TRPC4AP: variants seen among roughly 807,000 people sequenced by gnomAD.
The protein encoded by TRPC4AP is short transient receptor potential channel 4-associated protein.
A neutral mutation model predicts 99.0 loss-of-function variants in TRPC4AP; 45 were observed. The observed-to-expected ratio is 0.45, with a 90% confidence interval of 0.36 to 0.58. TRPC4AP has a LOEUF of 0.58. Among genes scored for constraint, TRPC4AP ranks in the 20% least tolerant of loss-of-function variants. TRPC4AP has a pLI of 0.00. For synonymous variants in TRPC4AP, 408 were observed against 385.8 expected (o/e 1.06, Z -0.67); for missense variants, 879 against 985.3 (o/e 0.89, Z 1.44).
intron 8 of TRPC4AP, among the ~76,000 whole-genome samples, chr20:35,029,258 T>A (rs1258388192): frequency 6.6e-6 from 1 of 152,146 alleles, no homozygotes; most frequent in Non-Finnish European, 1.5e-5. Context: ...CTCCAACTTT[T>A]TAAAAGTACA....
chr20:35,065,280 AT>A (rs1450914767), intron 3 of TRPC4AP, among the ~76,000 whole-genome samples: 2 of 152,176 alleles, frequency 1.3e-5, no homozygotes, highest in East Asian at 3.8e-4. Context: ...AGGAAGAGTC[AT>A]TTCCTCCATA....
intron 7 of TRPC4AP, among the ~76,000 whole-genome samples, chr20:35,042,523 G>C (rs1028514398): frequency 1.3e-5 from 2 of 152,120 alleles, no homozygotes; most frequent in African/African-American, 4.8e-5. Context: ...CCTCTGCATG[G>C]TCATGGTTTT....
intron 7 of TRPC4AP, among the ~76,000 whole-genome samples, chr20:35,038,579 A>G (rs546277562): frequency 1.6e-4 from 21 of 132,944 alleles, no homozygotes; most frequent in Non-Finnish European, 2.9e-4. Flanking sequence ...ACCTATTTAC[A>G]TTACCATCTG....
intron 5 of TRPC4AP, among the ~76,000 whole-genome samples, chr20:35,054,000 C>T (rs988051298): frequency 3.3e-5 from 5 of 152,116 alleles, no homozygotes; most frequent in African/African-American, 7.2e-5. Flanking sequence ...TGTGCCCATC[C>T]GTAATACAGA....
At chr20:35,040,098 C>T (rs956833540) in intron 7 of TRPC4AP, among the ~76,000 whole-genome samples, 1 of 151,890 alleles carries the variant, frequency 6.6e-6, no homozygotes, top group Non-Finnish European at 1.5e-5. Flanking sequence ...CGCGCCCCCA[C>T]AAATTCATAC....
chr20:35,051,758 T>A (rs1304019132), intron 5 of TRPC4AP, among the ~76,000 whole-genome samples: 1 of 152,042 alleles, frequency 6.6e-6, no homozygotes, highest in East Asian at 1.9e-4. Context: ...AAAAGAGAAC[T>A]AAATTTACAC....
At chr20:35,083,634 A>G (rs2084710769) in intron 1 of TRPC4AP, among the ~76,000 whole-genome samples, 1 of 151,612 alleles carries the variant, frequency 6.6e-6, no homozygotes, top group Admixed American at 6.6e-5. Flanking sequence ...TTACAGGAAA[A>G]TAACTTCCAA....
At chr20:35,039,975 A>G (rs1355424068) in intron 7 of TRPC4AP, among the ~76,000 whole-genome samples, 1 of 151,596 alleles carries the variant, frequency 6.6e-6, no homozygotes, top group Non-Finnish European at 1.5e-5. Flanking sequence ...TATTTTTGCT[A>G]GACAAGAAAA....
At chr20:35,082,930 A>C (rs1309465365) in intron 1 of TRPC4AP, among the ~76,000 whole-genome samples, 1 of 152,234 alleles carries the variant, frequency 6.6e-6, no homozygotes, top group African/African-American at 2.4e-5. Flanking sequence ...CATCATACTT[A>C]ATGGCAAAAT....
chr20:35,019,596 G>A (rs1569090899), intron 9 of TRPC4AP, among the ~76,000 whole-genome samples: 1 of 152,138 alleles, frequency 6.6e-6, no homozygotes, highest in East Asian at 1.9e-4. Flanking sequence ...AACTGTGAAA[G>A]TGCCTCGAAA....
intron 5 of TRPC4AP, among the ~76,000 whole-genome samples, chr20:35,052,610 C>T (rs2083731822): frequency 6.6e-6 from 1 of 151,978 alleles, no homozygotes; most frequent in Non-Finnish European, 1.5e-5. Context: ...ATTCTCTTGC[C>T]TCTCCTGAGT....
At chr20:35,045,711 G>C (rs971602074) in intron 6 of TRPC4AP, among the ~76,000 whole-genome samples, 3 of 151,962 alleles carry the variant, frequency 2.0e-5, no homozygotes, top group African/African-American at 4.8e-5. Context: ...GCTAATTTTT[G>C]TATTTTTTAG....
chr20:35,088,499 A>G lies in TRPC4AP; in HGVS notation c.168+4115T>C, dbSNP rs530923452. On this transcript the variant is annotated intron_variant, in intron 1 of 18. Coordinates refer to ENST00000252015, the MANE Select transcript of TRPC4AP (RefSeq NM_015638.3). ...GCAGATACAATGAAAAATAAGACAC[A>G]GTCTCTTCAGGAAGCCCAGTCTAAT... Among the ~76,000 whole-genome samples, 5 of 152,370 alleles carry G rather than the reference A, an allele frequency of 3.3e-5. No individual in the cohort carries two copies. In the South Asian group the frequency reaches 1.0e-3, roughly 32 times the overall value.
chr20:35,088,792 G>A (rs372139917), intron 1 of TRPC4AP, among the ~76,000 whole-genome samples: 1 of 152,058 alleles, frequency 6.6e-6, no homozygotes, highest in Non-Finnish European at 1.5e-5. Flanking sequence ...CTATACCACA[G>A]ATGATCCTTG....
At chr20:35,061,737 G>A (rs535019716) in intron 3 of TRPC4AP, among the ~76,000 whole-genome samples, 2 of 152,266 alleles carry the variant, frequency 1.3e-5, no homozygotes, top group East Asian at 3.9e-4. Context: ...CTAAATGTAA[G>A]ATACAAAATA....
At chr20:35,036,452 T>G (rs1371281431) in intron 7 of TRPC4AP, among the ~76,000 whole-genome samples, 1 of 152,216 alleles carries the variant, frequency 6.6e-6, no homozygotes, top group Non-Finnish European at 1.5e-5. Flanking sequence ...TTACACCTAA[T>G]TAAAAATTAA....
intron 1 of TRPC4AP, among the ~76,000 whole-genome samples, chr20:35,079,211 C>T (rs1395517692): frequency 6.6e-6 from 1 of 152,070 alleles, no homozygotes; most frequent in Non-Finnish European, 1.5e-5. Flanking sequence ...GTTAATTCTC[C>T]AAGAAGACAT....
intron 2 of TRPC4AP, among the ~76,000 whole-genome samples, chr20:35,077,232 C>T (rs543878348): frequency 1.8e-4 from 28 of 152,154 alleles, no homozygotes; most frequent in Non-Finnish European, 3.8e-4. Context: ...CAATGCCCCG[C>T]CCTGCTTCAG....
intron 8 of TRPC4AP, 83 bp from the exon 9 acceptor site, chr20:35,021,439 T>C (rs565169078): frequency 2.7e-6 from 4 of 1,477,676 alleles, no homozygotes; most frequent in Non-Finnish European, 2.7e-6. Flanking sequence ...CTGAACAGAC[T>C]TGTAGCATGG....
Sources: gnomAD v4.1 joint callset for allele counts (sites outside exome capture counted in the v4.1 genomes callset) on GRCh38, gnomAD v4.1.1 for gene constraint, MANE v1.5 for transcripts, NCBI Gene and HGNC (gene_info 2026-07-23, HGNC 2026-07-21) for gene names.